CDC45: variants seen among roughly 807,000 people sequenced by gnomAD.
The protein encoded by CDC45 is cell division cycle 45.
In CDC45, 54 loss-of-function variants were observed where a neutral mutation model predicts 77.8. The ratio of observed to expected loss-of-function variants is 0.69; its 90% confidence interval spans 0.56 to 0.87. CDC45 has a LOEUF of 0.87. Ranked by LOEUF, CDC45 falls within the 40% of genes least tolerant of loss-of-function variation. CDC45 has a pLI of 0.00. For synonymous variants in CDC45, 260 were observed against 272.1 expected, an observed-to-expected ratio of 0.96 and a Z score of 0.44; for missense variants, 649 against 721.6, an observed-to-expected ratio of 0.90 and a Z score of 1.15.
At position 19,516,898 on chromosome 22, in the gene CDC45, G is replaced by A. The variant is rs1568938450; in HGVS notation, c.1636+5G>A. 6.2e-7 allele frequency: 1 copy of A among 1,609,998 alleles called. No individual in the cohort carries two copies. The stretch of plus-strand genomic sequence containing the variant: ...ACAACCATTTTGACCTCTCAGGTGA[G>A]AGTCTCCTGCCACTCTGCCACACTT... On this transcript the variant is annotated splice_donor_5th_base_variant and intron_variant, in intron 17 of 18. Coordinates refer to ENST00000263201, the MANE Select transcript of CDC45 (RefSeq NM_003504.5).
chr22:19,500,299 C>T (rs5746755), intron 9 of CDC45, among the ~76,000 whole-genome samples: 1 of 152,066 alleles, frequency 6.6e-6, no homozygotes, highest in Non-Finnish European at 1.5e-5. Context: ...TGTACAGGAT[C>T]TGTACCTGAA....
At chr22:19,479,708 A>C, upstream of CDC45, 1 of 672,990 alleles carries the variant, frequency 1.5e-6, no homozygotes. Context: ...GTCAGAGTTG[A>C]AGGGGGCAAC....
intron 9 of CDC45, among the ~76,000 whole-genome samples, chr22:19,503,845 CAG>C (rs1191963870): frequency 1.3e-5 from 2 of 152,236 alleles, no homozygotes; most frequent in African/African-American, 2.4e-5. Flanking sequence ...GCCAGCAAAT[CAG>C]AGGAGAAAAG....
At chr22:19,493,728 A>T (rs939964223) in intron 5 of CDC45, among the ~76,000 whole-genome samples, 1 of 152,230 alleles carries the variant, frequency 6.6e-6, no homozygotes, top group African/African-American at 2.4e-5. Flanking sequence ...GGCGTGAGCC[A>T]CTGCGCCCAG....
chr22:19,505,891 C>G (rs1015351409), intron 10 of CDC45, among the ~76,000 whole-genome samples: 3 of 152,174 alleles, frequency 2.0e-5, no homozygotes, highest in Non-Finnish European at 2.9e-5. Flanking sequence ...CTCACACAGT[C>G]TCAGCCACAC....
intron 10 of CDC45, 71 bp from the exon 11 acceptor site, chr22:19,507,315 C>A: frequency 6.4e-7 from 1 of 1,568,028 alleles, no homozygotes; most frequent in Non-Finnish European, 8.7e-7. Flanking sequence ...CAGAGTGGCC[C>A]ACCTGCTGGA....
At chr22:19,485,798 A>G (rs1411816265) in intron 5 of CDC45, among the ~76,000 whole-genome samples, 1 of 152,192 alleles carries the variant, frequency 6.6e-6, no homozygotes, top group Non-Finnish European at 1.5e-5. Flanking sequence ...ATCTAGAGTC[A>G]ACAGTGGATC....
At chr22:19,479,529 C>T, upstream of CDC45, 1 of 568,572 alleles carries the variant, frequency 1.8e-6, no homozygotes, top group Non-Finnish European at 3.4e-6. Flanking sequence ...CTTCTTCAAA[C>T]CACACCAAAA....
At chr22:19,497,889 C>T (rs1454660949) in intron 8 of CDC45, among the ~76,000 whole-genome samples, 3 of 151,872 alleles carry the variant, frequency 2.0e-5, no homozygotes, top group Non-Finnish European at 2.9e-5. Context: ...GAAGTGAAAC[C>T]CTGTCTCAAA....
chr22:19,479,563 C>T, upstream of CDC45: 1 of 574,484 alleles, frequency 1.7e-6, no homozygotes. Context: ...GTAAATGCTG[C>T]CCCATTGGGT....
At chr22:19,485,009 C>T (rs535973337) in intron 5 of CDC45, among the ~76,000 whole-genome samples, 4 of 152,110 alleles carry the variant, frequency 2.6e-5, no homozygotes, top group Admixed American at 2.0e-4. Context: ...CGGGCTCACT[C>T]GATCTTCCCA....
At chr22:19,492,164 T>C (rs974144905) in intron 5 of CDC45, among the ~76,000 whole-genome samples, 4 of 152,144 alleles carry the variant, frequency 2.6e-5, no homozygotes, top group East Asian at 1.9e-4. Flanking sequence ...GTGTTTTCAG[T>C]GCACCCTCTT....
chr22:19,480,364 G>A lies in CDC45; in HGVS notation c.111+147G>A, dbSNP rs13447184. 0.025 allele frequency: 19,380 copies of A among 761,958 alleles called. 322 individuals are homozygous for A. The highest frequency in any genetic ancestry group is 0.049 in the African/African-American group (2,888 of 58,384). 47.2% of individuals were successfully genotyped at this position (761,958 alleles called of 1,614,324 possible). On this transcript the variant is annotated intron_variant, in intron 2 of 18. Coordinates refer to ENST00000263201, the MANE Select transcript of CDC45 (RefSeq NM_003504.5). Reference sequence around the variant, plus strand: ...GGCAGGAGGTGAACAGCAAGTGAGAGGAGAGAGACTCGGAGGAGAGGTTGC... The same window carrying A: ...GGCAGGAGGTGAACAGCAAGTGAGAAGAGAGAGACTCGGAGGAGAGGTTGC...
intron 10 of CDC45, among the ~76,000 whole-genome samples, chr22:19,506,835 G>A (rs1016738646): frequency 1.2e-4 from 19 of 152,178 alleles, no homozygotes; most frequent in Non-Finnish European, 2.1e-4. Flanking sequence ...TCGGGAGGCT[G>A]AGGCAGGAGA....
chr22:19,518,761 G>A (rs2146453260), intron 17 of CDC45, 83 bp from the exon 18 acceptor site: 1 of 1,072,568 alleles, frequency 9.3e-7, no homozygotes, highest in East Asian at 2.4e-5. Flanking sequence ...GCAGTGGAGG[G>A]CAGGCAGCGG....
chr22:19,518,742 C>T (rs1472610868), intron 17 of CDC45, 102 bp from the exon 18 acceptor site: 6 of 908,330 alleles, frequency 6.6e-6, no homozygotes, highest in Non-Finnish European at 1.1e-5. Context: ...GAGCCGCGCA[C>T]TTTGGAATGC....
chr22:19,508,215 C>T (rs1346277724), intron 12 of CDC45, among the ~76,000 whole-genome samples: 5 of 152,146 alleles, frequency 3.3e-5, no homozygotes, highest in African/African-American at 4.8e-5. Context: ...GAACTCTGCC[C>T]GACCAAGTCC....
At chr22:19,504,434 G>A (rs1226056689) in intron 9 of CDC45, among the ~76,000 whole-genome samples, 1 of 152,172 alleles carries the variant, frequency 6.6e-6, no homozygotes. Context: ...CAAGTAGCTG[G>A]GATTACCAGT....
At position 19,481,665 on chromosome 22, in the gene CDC45, G is replaced by A. The variant is rs560622939; in HGVS notation, c.204+620G>A. 2.0e-3 allele frequency among the ~76,000 whole-genome samples: 306 copies of A among 151,728 alleles called. 3 individuals carry two copies. Among genetic ancestry groups the A allele is most frequent in the Middle Eastern group, 0.01 (3 of 290 alleles). On this transcript the variant is annotated intron_variant, in intron 3 of 18. Transcript: ENST00000263201. ...TGGGATTACAGGTATGAGCCACCAC[G>A]CCCAGCCTTTATTTATTTATTTTTG... is the stretch of plus-strand genomic sequence containing the variant.
Sources: gnomAD v4.1 joint callset for allele counts (sites outside exome capture counted in the v4.1 genomes callset) on GRCh38, gnomAD v4.1.1 for gene constraint, MANE v1.5 for transcripts, NCBI Gene and HGNC (gene_info 2026-07-23, HGNC 2026-07-21) for gene names.